The following FRS2 variants were observed in gnomAD, a reference collection of about 807,000 sequenced individuals.
The protein encoded by FRS2 is FGFR signalling adaptor.
FRS2 carries 8 observed loss-of-function variants against 43.9 expected under a neutral mutation model. The ratio of observed to expected loss-of-function variants is 0.18; its 90% CI spans 0.11 to 0.33. The LOEUF (loss-of-function observed/expected upper bound fraction) is 0.33, where lower values mean the gene tolerates loss of function less well. FRS2 is among the 10% of genes least tolerant of loss of function. The pLI, the probability that FRS2 is intolerant of heterozygous loss-of-function variation, is 1.00. For missense variants in FRS2, 534 were observed against 627.6 expected (o/e 0.85, Z 1.59); for synonymous variants, 219 against 220.3 (o/e 0.99, Z 0.05).
intron 1 of FRS2, among the ~76,000 whole-genome samples, chr12:69,482,153 C>G (rs1459244715): frequency 6.6e-6 from 1 of 152,022 alleles, no homozygotes; most frequent in Non-Finnish European, 1.5e-5. Context: ...GTTTTTGATA[C>G]TTTGCATAAC....
Position 69,576,175 on chromosome 12 carries a change from T to G in FRS2, c.*1220T>G, listed in dbSNP as rs1166526567. On this transcript the variant is annotated 3_prime_UTR_variant, in exon 9 of 9. Transcript: ENST00000549921. ...TCTGTGGGCACTCTTCCCCAGCACT[T>G]TAGCAGTAATTCCCCCAGCTACACG... 2.0e-5 allele frequency: 3 copies of G among 152,456 alleles called. No homozygotes were observed. Among genetic ancestry groups the G allele is most frequent in the Non-Finnish European group, 4.4e-5 (3 of 67,976 alleles). 9.4% of individuals were successfully genotyped at this position (152,456 alleles called of 1,614,324 possible).
At chr12:69,485,132 C>T (rs867600113) in intron 1 of FRS2, among the ~76,000 whole-genome samples, 1 of 149,148 alleles carries the variant, frequency 6.7e-6, no homozygotes, top group South Asian at 2.1e-4. Context: ...CACACACACA[C>T]ACACTCTCAC....
At chr12:69,551,530 A>G (rs189787792) in intron 3 of FRS2, among the ~76,000 whole-genome samples, 2 of 152,378 alleles carry the variant, frequency 1.3e-5, no homozygotes, top group Non-Finnish European at 2.9e-5. Context: ...CAGACCATGA[A>G]ACCTTTAGAG....
At position 69,574,164 on chromosome 12, in the gene FRS2, C is replaced by T; in HGVS notation, c.736C>T (p.Pro246Ser). 6.2e-7 allele frequency: 1 copy of T among 1,614,026 alleles called. No individual in the cohort carries two copies. Among genetic ancestry groups the T allele is most frequent in the Non-Finnish European group, 8.5e-7 (1 of 1,179,946 alleles). ...CAGGGATCCTCAGATTCTTCTTGAA[C>T]CTGAAGGAGTCAAATTTGTTTTAGG... ...EDRDPQILLE[P>S]EGVKFVLGPT... Residue 246 changes from proline (P) to serine (S), a missense_variant, in exon 9 of 9, where the codon CCT becomes TCT. Physicochemically the swap from Pro to Ser is moderately conservative, Grantham distance 74. Transcript: ENST00000549921.
At chr12:69,557,631 C>T (rs12321204) in intron 3 of FRS2, among the ~76,000 whole-genome samples, 1,458 of 120,906 alleles carry the variant, frequency 0.012, 11 homozygotes, top group South Asian at 0.027. Context: ...CGCGCGCGCG[C>T]GCGCGCAGGT....
chr12:69,534,677 C>G (rs1228493234), intron 3 of FRS2, among the ~76,000 whole-genome samples: 1 of 152,122 alleles, frequency 6.6e-6, no homozygotes, highest in East Asian at 1.9e-4. Context: ...ATCATTCCTC[C>G]TAATCACATG....
chr12:69,482,558 T>A (rs1418010289), intron 1 of FRS2, among the ~76,000 whole-genome samples: 2 of 152,204 alleles, frequency 1.3e-5, no homozygotes, highest in African/African-American at 2.4e-5. Flanking sequence ...TATTAGGCAT[T>A]GTGTCAAAAT....
intron 1 of FRS2, among the ~76,000 whole-genome samples, chr12:69,485,865 C>G (rs1233720953): frequency 1.3e-5 from 2 of 152,210 alleles, no homozygotes; most frequent in East Asian, 3.9e-4. Context: ...TTTGAGATAG[C>G]TATGTATTAA....
intron 3 of FRS2, among the ~76,000 whole-genome samples, chr12:69,552,174 T>A (rs1196847221): frequency 6.6e-6 from 1 of 151,674 alleles, no homozygotes; most frequent in Non-Finnish European, 1.5e-5. Flanking sequence ...TGGTGGTGCA[T>A]GCCTGTAATC....
In FRS2 at chr12:69,577,352, G is replaced by A. The variant is rs1463241539; in HGVS notation, c.*2397G>A. On this transcript the variant is annotated 3_prime_UTR_variant, in exon 9 of 9. Transcript: ENST00000549921. Reference sequence around the variant, plus strand: ...CACTTGTGTTCCTATTTAATAAAAGGTAATTTAGAATACTACTTGTCCTTT... The same window carrying A: ...CACTTGTGTTCCTATTTAATAAAAGATAATTTAGAATACTACTTGTCCTTT... 6.6e-6 allele frequency: 1 copy of A among 152,070 alleles called. No individual in the cohort carries two copies. Among genetic ancestry groups the A allele is most frequent in the African/African-American group, 2.4e-5 (1 of 41,424 alleles). 9.4% of individuals were successfully genotyped at this position (152,070 alleles called of 1,614,324 possible).
At position 69,577,785 on chromosome 12, in the gene FRS2, C is replaced by T. The variant is rs1881288142; in HGVS notation, c.*2830C>T. 6.6e-6 allele frequency: 1 copy of T among 152,540 alleles called. No homozygotes were observed. Among genetic ancestry groups the T allele is most frequent in the Admixed American group, 6.5e-5 (1 of 15,272 alleles). 9.4% of individuals were successfully genotyped at this position (152,540 alleles called of 1,614,324 possible). A position where few individuals can be genotyped will look rare whatever the true frequency, so the allele number is the denominator to read the frequency against. On this transcript the variant is annotated 3_prime_UTR_variant, in exon 9 of 9. Coordinates refer to ENST00000549921, the MANE Select transcript of FRS2 (RefSeq NM_001278356.2). ...ACTGGCAAATATTTCCTTTTATTTACTGCTGCTGTGGAGTGATGAGATATG... is the reference window on the plus strand; with the variant it reads ...ACTGGCAAATATTTCCTTTTATTTATTGCTGCTGTGGAGTGATGAGATATG...
At chr12:69,563,322 T>C (rs1880018614) in intron 4 of FRS2, among the ~76,000 whole-genome samples, 1 of 152,194 alleles carries the variant, frequency 6.6e-6, no homozygotes, top group South Asian at 2.1e-4. Flanking sequence ...CTTTCAGGAA[T>C]TGGAAGATTG....
Position 69,556,218 on chromosome 12 carries a change from T to C in FRS2, c.-121-5962T>C, listed in dbSNP as rs1301819315. ...ACCTGGCCCATATTTAGACTTTTAATATTAGTCTAGTAACATCATATCCAA... is the reference window on the plus strand; with the variant it reads ...ACCTGGCCCATATTTAGACTTTTAACATTAGTCTAGTAACATCATATCCAA... On this transcript the variant is annotated intron_variant, in intron 3 of 8. Coordinates refer to ENST00000549921, the MANE Select transcript of FRS2 (RefSeq NM_001278356.2). Among the ~76,000 whole-genome samples, 5 of 152,210 alleles carry C rather than the reference T, an allele frequency of 3.3e-5. No homozygotes were observed. The East Asian group carries it at 9.6e-4, about 29-fold the overall frequency.
In FRS2 at chr12:69,552,885, C is replaced by T. The variant is rs537515847; in HGVS notation, c.-121-9295C>T. ...CCAGCCTGGGTGACAGAGCGAGACTCCATCTCAAAAAAAAAAAAAGTAAAC... is the reference window on the plus strand; with the variant it reads ...CCAGCCTGGGTGACAGAGCGAGACTTCATCTCAAAAAAAAAAAAAGTAAAC... On this transcript the variant is annotated intron_variant, in intron 3 of 8. Coordinates refer to ENST00000549921, the MANE Select transcript of FRS2 (RefSeq NM_001278356.2). Among the ~76,000 whole-genome samples, 11 of 148,586 alleles carry T rather than the reference C, an allele frequency of 7.4e-5. 1 individual carries two copies. Among genetic ancestry groups the T allele is most frequent in the African/African-American group, 2.7e-4 (11 of 40,780 alleles).
Position 69,575,270 on chromosome 12 carries a change from G to A in FRS2, c.*315G>A, listed in dbSNP as rs1881113631. On this transcript the variant is annotated 3_prime_UTR_variant, in exon 9 of 9. Transcript: ENST00000549921. ...TCTGGACTTAACGCATACCTTTCATGTCTAAGTCATGGTTGGCTTTTAAAA... is the reference window on the plus strand; with the variant it reads ...TCTGGACTTAACGCATACCTTTCATATCTAAGTCATGGTTGGCTTTTAAAA... 1 of 271,952 alleles carries A rather than the reference G, an allele frequency of 3.7e-6. No homozygotes were observed. The highest frequency in any genetic ancestry group is 6.9e-6 in the Non-Finnish European group (1 of 144,868). The allele number at this position is 271,952 out of a possible 1,614,324, so 16.8% of individuals were successfully genotyped here. A position where few individuals can be genotyped will look rare whatever the true frequency, so the allele number is the denominator to read the frequency against.
intron 1 of FRS2, among the ~76,000 whole-genome samples, chr12:69,506,765 G>A (rs1410242189): frequency 6.6e-6 from 1 of 152,134 alleles, no homozygotes; most frequent in Non-Finnish European, 1.5e-5. Context: ...AGCCTTCTAT[G>A]GTTTGAATGT....
chr12:69,492,177 G>T (rs1296911523), intron 1 of FRS2, among the ~76,000 whole-genome samples: 10 of 152,236 alleles, frequency 6.6e-5, no homozygotes, highest in Admixed American at 6.5e-4. Flanking sequence ...TATGTGGATA[G>T]CCTGTATCTT....
Position 69,568,555 on chromosome 12 carries a change from G to GTC in FRS2, c.-26-432_-26-431dup, listed in dbSNP as rs752238344. On this transcript the variant is annotated intron_variant, in intron 4 of 8. Transcript: ENST00000549921. ...CCTGCCTGTCTCTGTGTCTCTGGCT[G>GTC]TCTCTCTCTCTCTCTCTCTGTCTCT... 6.3e-3 allele frequency among the ~76,000 whole-genome samples: 931 copies of GTC among 148,594 alleles called. 6 individuals are homozygous for GTC. Among genetic ancestry groups the GTC allele is most frequent in the East Asian group, 0.033 (170 of 5,080 alleles).
chr12:69,492,362 A>T (rs1201174906), intron 1 of FRS2, among the ~76,000 whole-genome samples: 1 of 152,226 alleles, frequency 6.6e-6, no homozygotes, highest in Non-Finnish European at 1.5e-5. Flanking sequence ...TACTAGTTCC[A>T]CCCAGGGGAT....
Sources: allele counts gnomAD v4.1 joint callset (sites outside exome capture counted in the v4.1 genomes callset), GRCh38; gene constraint gnomAD v4.1.1; transcripts MANE v1.5; gene names NCBI Gene and HGNC (gene_info 2026-07-23, HGNC 2026-07-21).